The following AOPEP variants were observed in gnomAD, a reference collection of about 807,000 sequenced individuals.
AOPEP encodes aminopeptidase O (putative), also known as aminopeptidase O.
In AOPEP, 77 loss-of-function variants were observed where a neutral mutation model predicts 98.1. The observed-to-expected ratio is 0.78, with a 90% CI of 0.65 to 0.95. The LOEUF (loss-of-function observed/expected upper bound fraction) is 0.95, where lower values mean the gene tolerates loss of function less well. AOPEP is among the 40% of genes least tolerant of loss of function. AOPEP has a pLI of 0.00. For missense variants in AOPEP, 1,024 were observed against 1,024.7 expected (o/e 1.00, Z 0.01); for synonymous variants, 346 against 365.3 (o/e 0.95, Z 0.60).
intron 5 of AOPEP, among the ~76,000 whole-genome samples, chr9:94,915,557 C>G (rs1197046151): frequency 6.6e-6 from 1 of 152,178 alleles, no homozygotes; most frequent in Non-Finnish European, 1.5e-5. Context: ...CCAGAGTTAC[C>G]CTTGCTTTGA....
chr9:95,120,383 C>A, the AOPEP span, among the ~76,000 whole-genome samples: 1 of 152,018 alleles, frequency 6.6e-6, no homozygotes, highest in South Asian at 2.1e-4. Context: ...TTTGCCAATA[C>A]CTCACTGTCT....
chr9:94,746,874 C>CT (rs1157374620), intron 1 of AOPEP, among the ~76,000 whole-genome samples: 2 of 152,026 alleles, frequency 1.3e-5, no homozygotes, highest in African/African-American at 4.8e-5. Context: ...TTTAGACCCC[C>CT]TCCCCCCCAC....
At chr9:94,766,369 T>C (rs1361051729) in intron 2 of AOPEP, among the ~76,000 whole-genome samples, 3 of 152,146 alleles carry the variant, frequency 2.0e-5, no homozygotes, top group African/African-American at 7.2e-5. Context: ...AAACCCCGTC[T>C]CTACTAAAAT....
chr9:95,015,341 T>G (rs1036960423), intron 13 of AOPEP, among the ~76,000 whole-genome samples: 12 of 152,346 alleles, frequency 7.9e-5, no homozygotes, highest in African/African-American at 2.9e-4. Context: ...GAACCTATTA[T>G]AGAAGTCCTG....
intron 1 of AOPEP, among the ~76,000 whole-genome samples, chr9:94,754,937 CT>C (rs1396359387): frequency 6.6e-6 from 1 of 152,166 alleles, no homozygotes; most frequent in Non-Finnish European, 1.5e-5. Flanking sequence ...AGAGCAGTTT[CT>C]TCTTTGTGCC....
At chr9:94,898,736 G>A (rs1564344442) in intron 5 of AOPEP, among the ~76,000 whole-genome samples, 1 of 151,374 alleles carries the variant, frequency 6.6e-6, no homozygotes, top group Non-Finnish European at 1.5e-5. Flanking sequence ...GAGGTCAGGA[G>A]ATCGAGACCA....
At chr9:94,937,174 C>G (rs1199711107) in intron 7 of AOPEP, among the ~76,000 whole-genome samples, 1 of 152,246 alleles carries the variant, frequency 6.6e-6, no homozygotes, top group Admixed American at 6.5e-5. Flanking sequence ...CAGTGACCAG[C>G]TCCTCCTGAA....
chr9:95,070,446 A>G (rs957010203), intron 14 of AOPEP, among the ~76,000 whole-genome samples: 2 of 152,260 alleles, frequency 1.3e-5, no homozygotes, highest in Non-Finnish European at 2.9e-5. Context: ...TTGAAAATCA[A>G]AAGGACTAAA....
At chr9:94,947,266 C>T (rs944177584) in intron 7 of AOPEP, among the ~76,000 whole-genome samples, 1 of 151,308 alleles carries the variant, frequency 6.6e-6, no homozygotes, top group African/African-American at 2.4e-5. Flanking sequence ...CAGGCGTGAT[C>T]CACCGCACCC....
At chr9:94,732,947 G>A (rs752885977) in intron 1 of AOPEP, among the ~76,000 whole-genome samples, 24 of 152,164 alleles carry the variant, frequency 1.6e-4, no homozygotes, top group Admixed American at 7.9e-4. Flanking sequence ...CAGTGGTCAT[G>A]TTTGAGCAAG....
At chr9:95,032,354 A>G (rs2064385554) in intron 13 of AOPEP, among the ~76,000 whole-genome samples, 2 of 152,232 alleles carry the variant, frequency 1.3e-5, no homozygotes, top group South Asian at 4.1e-4. Context: ...CCCATCAGGA[A>G]GCCTGTCCAC....
intron 13 of AOPEP, among the ~76,000 whole-genome samples, chr9:95,045,723 T>A (rs1279411958): frequency 6.6e-6 from 1 of 152,184 alleles, no homozygotes; most frequent in Non-Finnish European, 1.5e-5. Context: ...GCTTCTAATT[T>A]AAATAGGTCA....
chr9:95,110,981 A>C, the AOPEP span: 1 of 1,416,798 alleles, frequency 7.1e-7, no homozygotes, highest in African/African-American at 1.4e-5. Context: ...TAAGAGATGT[A>C]AATAAAGCCA....
At chr9:94,814,432 A>G (rs983787260) in intron 5 of AOPEP, among the ~76,000 whole-genome samples, 1 of 152,212 alleles carries the variant, frequency 6.6e-6, no homozygotes, top group Non-Finnish European at 1.5e-5. Context: ...TGATACCCAA[A>G]GAGGGAGGTT....
At chr9:94,940,787 C>A (rs2056923721) in intron 7 of AOPEP, among the ~76,000 whole-genome samples, 1 of 152,138 alleles carries the variant, frequency 6.6e-6, no homozygotes, top group Non-Finnish European at 1.5e-5. Flanking sequence ...ATTCTGATTT[C>A]CTCAGCCTGG....
At chr9:94,862,843 C>T (rs1489674813) in intron 5 of AOPEP, among the ~76,000 whole-genome samples, 1 of 152,146 alleles carries the variant, frequency 6.6e-6, no homozygotes, top group Non-Finnish European at 1.5e-5. Flanking sequence ...GACAAGAACT[C>T]CGTCTTGGAC....
intron 1 of AOPEP, among the ~76,000 whole-genome samples, chr9:94,737,209 G>A (rs1458560182): frequency 1.3e-5 from 2 of 151,934 alleles, no homozygotes; most frequent in Non-Finnish European, 2.9e-5. Flanking sequence ...GGGCTCAAGC[G>A]ATCCTTTGCC....
At chr9:95,048,528 G>C (rs2066046887) in intron 13 of AOPEP, among the ~76,000 whole-genome samples, 1 of 152,060 alleles carries the variant, frequency 6.6e-6, no homozygotes, top group Non-Finnish European at 1.5e-5. Flanking sequence ...CCGGGAGACT[G>C]ACAGCACCGG....
At chr9:95,009,337 G>T (rs2062306032) in intron 13 of AOPEP, among the ~76,000 whole-genome samples, 1 of 151,808 alleles carries the variant, frequency 6.6e-6, no homozygotes, top group African/African-American at 2.4e-5. Context: ...ATATTCTAAG[G>T]ATTAGAATGT....
Sources: gnomAD v4.1 joint callset for allele counts (sites outside exome capture counted in the v4.1 genomes callset) on GRCh38, gnomAD v4.1.1 for gene constraint, MANE v1.5 for transcripts, NCBI Gene and HGNC (gene_info 2026-07-23, HGNC 2026-07-21) for gene names.